Variants in PCDH15 observed in about 807,000 individuals in gnomAD.
PCDH15 encodes protocadherin related 15.
Under a neutral mutation model 178.5 loss-of-function variants are expected in PCDH15, and 129 were observed. The ratio of observed to expected loss-of-function variants is 0.72; its 90% CI spans 0.63 to 0.84. The LOEUF (loss-of-function observed/expected upper bound fraction) is 0.84. Ranked by LOEUF, PCDH15 falls within the 40% of genes least tolerant of loss-of-function variation. PCDH15 has a pLI of 0.00. For missense variants in PCDH15, 2,230 were observed against 2,099.9 expected, an observed-to-expected ratio of 1.06 and a Z score of -1.21; for synonymous variants, 800 against 732.0, an observed-to-expected ratio of 1.09 and a Z score of -1.50.
rs555068210 is a variant in PCDH15, at chr10:55,468,574, TA to T, written c.-156+159050del. ...TAGAAATACATTTTTTTATCTACCATAATGTAATTAAAGCAAATGTTTATCT... is the reference window on the plus strand; with the variant it reads ...TAGAAATACATTTTTTTATCTACCATATGTAATTAAAGCAAATGTTTATCT... On this transcript the variant is annotated intron_variant, in intron 2 of 5. Coordinates refer to the PCDH15 transcript ENST00000613346. 9.8e-5 allele frequency: 15 copies of T among 152,332 alleles called. No homozygotes were observed. In the South Asian group the frequency reaches 1.9e-3, roughly 19 times the overall value. 9.4% of individuals were successfully genotyped at this position (152,332 alleles called of 1,614,324 possible). A position where few individuals can be genotyped will look rare whatever the true frequency, so the allele number is the denominator to read the frequency against.
At chr10:55,141,835 C>A (rs765150878) in intron 2 of PCDH15, among the ~76,000 whole-genome samples, 1 of 147,414 alleles carries the variant, frequency 6.8e-6, no homozygotes, top group Non-Finnish European at 1.5e-5. Flanking sequence ...GAGGAGAAAT[C>A]TGTTCTTTAA....
chr10:55,286,278 G>T (rs1392221148), intron 1 of PCDH15, among the ~76,000 whole-genome samples: 1 of 151,632 alleles, frequency 6.6e-6, no homozygotes, highest in Non-Finnish European at 1.5e-5. Context: ...TAAACAGCAT[G>T]CTCTGTATTT....
intron 2 of PCDH15, among the ~76,000 whole-genome samples, chr10:55,345,801 A>G (rs1045038672): frequency 6.6e-6 from 1 of 152,030 alleles, no homozygotes; most frequent in Non-Finnish European, 1.5e-5. Flanking sequence ...CAAATTTTTG[A>G]GAGGATTTTT....
At chr10:55,566,330 A>C (rs1321517449) in intron 2 of PCDH15, among the ~76,000 whole-genome samples, 1 of 151,676 alleles carries the variant, frequency 6.6e-6, no homozygotes, top group African/African-American at 2.4e-5. Context: ...AAAAAAATTC[A>C]TATATAAAAG....
At chr10:54,237,338 TTA>T (rs1410902863) in intron 8 of PCDH15, among the ~76,000 whole-genome samples, 2 of 152,078 alleles carry the variant, frequency 1.3e-5, no homozygotes, top group African/African-American at 4.8e-5. Context: ...AAATCATTTT[TTA>T]GTTTCATACA....
intron 28 of PCDH15, among the ~76,000 whole-genome samples, chr10:53,852,509 T>G (rs1307950744): frequency 1.3e-5 from 2 of 152,086 alleles, no homozygotes; most frequent in Non-Finnish European, 2.9e-5. Flanking sequence ...ATTTTCAGTA[T>G]AGTCATTTCA....
chr10:55,235,010 T>A (rs12220601), intron 1 of PCDH15, among the ~76,000 whole-genome samples: 15,196 of 152,010 alleles, frequency 0.1, 935 homozygotes, highest in East Asian at 0.2. Context: ...CCCTGCCATG[T>A]ACAGCCACAA....
chr10:54,436,158 A>AAAGG (rs1003119993), intron 3 of PCDH15, among the ~76,000 whole-genome samples: 1 of 148,420 alleles, frequency 6.7e-6, no homozygotes, highest in South Asian at 2.1e-4. Context: ...AGGAAGGAAG[A>AAAGG]AAGGAAGGAA....
In PCDH15 at chr10:54,179,410, G is replaced by A. The variant is rs1240491880; in HGVS notation, c.1590+4034C>T. ...CAGGAAGGGGAACATCACACTCTGG[G>A]GACTGTTGTGGGGTGGGGGGAGGGG... On this transcript the variant is annotated intron_variant, in intron 13 of 37. Transcript: ENST00000644397. Among the ~76,000 whole-genome samples the A allele has an allele frequency of 1.3e-3, 180 of 140,276 alleles. 1 individual carries two copies. The highest frequency in any genetic ancestry group is 2.3e-3 in the Non-Finnish European group (150 of 65,092). The allele number at this position is 140,276 out of a possible 152,430, so 92.0% of individuals were successfully genotyped here.
rs530698438 is a variant in PCDH15 at position 55,342,181 on chromosome 10, T to A, written c.-155-175530A>T. ...TTAGTAGCATTGTTTCTATTTTTCC[T>A]TTGTTTTGTGAATGACCTACAAGAT... On this transcript the variant is annotated intron_variant, in intron 2 of 5. Coordinates refer to the PCDH15 transcript ENST00000613346. 9.2e-5 allele frequency among the ~76,000 whole-genome samples: 14 copies of A among 151,906 alleles called. No individual in the cohort carries two copies. The South Asian group carries it at 2.9e-3, about 32-fold the overall frequency.
intron 2 of PCDH15, among the ~76,000 whole-genome samples, chr10:54,954,309 T>C (rs2131877626): frequency 6.6e-6 from 1 of 151,432 alleles, no homozygotes; most frequent in South Asian, 2.1e-4. Flanking sequence ...ATCCTTTCCT[T>C]CTGGGCTTTT....
At chr10:54,826,529 GTA>G (rs1329653042) in intron 3 of PCDH15, among the ~76,000 whole-genome samples, 5 of 151,640 alleles carry the variant, frequency 3.3e-5, no homozygotes, top group Non-Finnish European at 4.4e-5. Flanking sequence ...ACATATATAT[GTA>G]TGTGTGTGTG....
chr10:54,445,823 G>A (rs746150700), intron 3 of PCDH15, among the ~76,000 whole-genome samples: 1 of 151,336 alleles, frequency 6.6e-6, no homozygotes, highest in Non-Finnish European at 1.5e-5. Flanking sequence ...TGTGTTTTTA[G>A]TCTTTTCACA....
chr10:55,500,874 CTCTT>C (rs1435421531), intron 2 of PCDH15, among the ~76,000 whole-genome samples: 4 of 151,724 alleles, frequency 2.6e-5, no homozygotes, highest in African/African-American at 2.4e-5. Flanking sequence ...GATTAGTTGA[CTCTT>C]TATATGACAC....
intron 3 of PCDH15, among the ~76,000 whole-genome samples, chr10:54,500,528 T>C (rs928226684): frequency 6.6e-6 from 1 of 152,098 alleles, no homozygotes; most frequent in East Asian, 1.9e-4. Context: ...TAGGATATGA[T>C]GATTCACCAA....
intron 28 of PCDH15, among the ~76,000 whole-genome samples, chr10:53,842,733 C>T (rs188951743): frequency 6.6e-6 from 1 of 152,208 alleles, no homozygotes; most frequent in East Asian, 1.9e-4. Context: ...TCATTCAAGG[C>T]CTTTAATTAA....
At chr10:55,484,748 G>T (rs367747699) in intron 2 of PCDH15, among the ~76,000 whole-genome samples, 47 of 151,822 alleles carry the variant, frequency 3.1e-4, no homozygotes, top group African/African-American at 9.9e-4. Context: ...ACAGCCAACT[G>T]ATTTTTGCCA....
intron 3 of PCDH15, among the ~76,000 whole-genome samples, chr10:54,848,138 G>A (rs1953545881): frequency 6.6e-6 from 1 of 152,100 alleles, no homozygotes; most frequent in African/African-American, 2.4e-5. Context: ...CAGCACTTTG[G>A]GAGGCCAAGG....
At chr10:55,307,522 T>A (rs939954032) in intron 1 of PCDH15, among the ~76,000 whole-genome samples, 9 of 150,938 alleles carry the variant, frequency 6.0e-5, no homozygotes, top group South Asian at 2.1e-4. Flanking sequence ...AAAAAAAAAA[T>A]TATATTTTCT....
Sources: allele counts gnomAD v4.1 joint callset (sites outside exome capture counted in the v4.1 genomes callset), GRCh38; gene constraint gnomAD v4.1.1; transcripts MANE v1.5; gene names NCBI Gene and HGNC (gene_info 2026-07-23, HGNC 2026-07-21).